Variants in ACTL8 observed in about 807,000 individuals in gnomAD.
ACTL8 encodes the protein actin-like protein 8.
In ACTL8, 3 loss-of-function variants were observed where a neutral mutation model predicts 9.3. The ratio of observed to expected loss-of-function variants is 0.32; its 90% CI spans 0.15 to 0.83. The LOEUF is 0.83. Among genes scored for constraint, ACTL8 ranks in the 40% least tolerant of loss-of-function variants. The pLI is 0.57. For missense variants in ACTL8, 381 were observed against 492.2 expected (o/e 0.77, Z 2.14); for synonymous variants, 224 against 205.9 (o/e 1.09, Z -0.75).
chr1:17,799,836 C>T (rs2102691985), intron 1 of ACTL8, among the ~76,000 whole-genome samples: 1 of 152,160 alleles, frequency 6.6e-6, no homozygotes, highest in African/African-American at 2.4e-5. Flanking sequence ...CCGCCCCCAC[C>T]ACCCACATCC....
intron 1 of ACTL8, among the ~76,000 whole-genome samples, chr1:17,796,978 C>T (rs369806915): frequency 2.0e-4 from 31 of 152,306 alleles, no homozygotes; most frequent in South Asian, 6.2e-4. Flanking sequence ...TCTAGGGACA[C>T]GCTGCTCAAG....
chr1:17,791,543 G>A (rs903726716), intron 1 of ACTL8, among the ~76,000 whole-genome samples: 3 of 152,202 alleles, frequency 2.0e-5, no homozygotes, highest in Non-Finnish European at 4.4e-5. Context: ...CAAGTGCCTG[G>A]TGGTGGCTCT....
chr1:17,783,447 C>T (rs575857446), intron 1 of ACTL8, among the ~76,000 whole-genome samples: 5 of 151,766 alleles, frequency 3.3e-5, no homozygotes, highest in South Asian at 2.1e-4. Flanking sequence ...GGTGGTGGTC[C>T]GTATTTAAAG....
intron 1 of ACTL8, among the ~76,000 whole-genome samples, chr1:17,810,603 T>C (rs756811563): frequency 6.6e-6 from 1 of 152,166 alleles, no homozygotes; most frequent in Non-Finnish European, 1.5e-5. Flanking sequence ...CATGCAGGCA[T>C]GTAACCACTC....
intron 1 of ACTL8, among the ~76,000 whole-genome samples, chr1:17,775,745 A>G (rs2066114356): frequency 6.6e-6 from 1 of 152,148 alleles, no homozygotes; most frequent in Non-Finnish European, 1.5e-5. Context: ...CTTAACTTTG[A>G]GAATGTCCCT....
intron 1 of ACTL8, among the ~76,000 whole-genome samples, chr1:17,774,692 G>A (rs756181087): frequency 2.1e-4 from 32 of 152,180 alleles, no homozygotes; most frequent in Non-Finnish European, 3.7e-4. Context: ...AGTGCAGCGC[G>A]CAAGGGGGCC....
Position 17,823,032 on chromosome 1 carries a change from T to C in ACTL8, c.24T>C (p.Ile8=). ...CCATGGCTGCAAGAACCGTTATCAT[T>C]GACCACGGGTCTGGCTTTTTGAAGG... The part of the protein sequence containing the change: MAARTVI[I]DHGSGFLKAG... The change falls in exon 2 of 3, where the codon ATT becomes ATC. Residue 8 remains isoleucine, a synonymous_variant. Transcript: ENST00000375406. The surrounding 1 kb of genome is among the most constrained non-coding windows in gnomAD (Gnocchi z 5.3). 6.2e-7 allele frequency: 1 copy of C among 1,614,088 alleles called. No homozygotes were observed. Among genetic ancestry groups the C allele is most frequent in the African/African-American group, 1.3e-5 (1 of 75,062 alleles).
chr1:17,802,789 C>T (rs972142262), intron 1 of ACTL8, among the ~76,000 whole-genome samples: 6 of 152,018 alleles, frequency 3.9e-5, no homozygotes, highest in Non-Finnish European at 8.8e-5. Flanking sequence ...GTGAGACCAG[C>T]CTGGTCAACA....
At chr1:17,756,571 A>G (rs2065970671) in intron 1 of ACTL8, among the ~76,000 whole-genome samples, 1 of 152,210 alleles carries the variant, frequency 6.6e-6, no homozygotes, top group African/African-American at 2.4e-5. Context: ...AATTCTTCAT[A>G]TGAAACTTTC....
chr1:17,781,427 C>T lies in ACTL8; in HGVS notation c.-25+25923C>T, dbSNP rs528991938. Among the ~76,000 whole-genome samples the T allele has an allele frequency of 9.9e-5, 15 of 151,966 alleles. No homozygotes were observed. In the South Asian group the frequency reaches 2.3e-3, roughly 23 times the overall value. On this transcript the variant is annotated intron_variant, in intron 1 of 2. Transcript: ENST00000375406. ...CTAATTTTTGTATTTTTAGTAGAGA[C>T]GTGGTTTTGCCATGTTGGCCAGGCT...
chr1:17,779,258 A>G (rs142709254), intron 1 of ACTL8, among the ~76,000 whole-genome samples: 266 of 151,804 alleles, frequency 1.8e-3, no homozygotes, highest in African/African-American at 6.1e-3. Flanking sequence ...ACCTCCTTCA[A>G]CATTCAGCTG....
chr1:17,802,538 C>T (rs150836137), intron 1 of ACTL8, among the ~76,000 whole-genome samples: 65 of 152,074 alleles, frequency 4.3e-4, no homozygotes, highest in Middle Eastern at 3.4e-3. Context: ...GTTACTACCG[C>T]GGGTAAGGAA....
rs1165548069 is a variant in ACTL8, at chr1:17,823,114, C to T, written c.106C>T (p.Leu36=). Residue 36 remains leucine (L), a synonymous_variant, in exon 2 of 3, where the codon CTA becomes TTA. Transcript: ENST00000375406. This position sits in a 1 kb window ranked among gnomAD's most constrained non-coding sequence, Gnocchi z 5.3. ...QMVFPNIVNY[L]PCKENPGPSY... ...GGTCTTCCCGAACATCGTGAACTACCTACCGTGCAAGGAGAACCCTGGCCC... is the reference window on the plus strand; with the variant it reads ...GGTCTTCCCGAACATCGTGAACTACTTACCGTGCAAGGAGAACCCTGGCCC... 1.1e-5 allele frequency: 17 copies of T among 1,614,114 alleles called. No homozygotes were observed. In the Admixed American group the frequency reaches 2.8e-4, roughly 27 times the overall value.
rs190626425 is a variant in ACTL8 at position 17,789,971 on chromosome 1, C to T, written c.-24-33014C>T. Among the ~76,000 whole-genome samples the T allele has an allele frequency of 1.4e-4, 22 of 152,308 alleles. No individual in the cohort carries two copies. In the East Asian group the frequency reaches 3.3e-3, roughly 23 times the overall value. ...GCTCATGCCACTGGCCTGGGTCCCA[C>T]GCCTGCCAAGGGAGAGTCAAGTGTG... On this transcript the variant is annotated intron_variant, in intron 1 of 2. Coordinates refer to ENST00000375406, the MANE Select transcript of ACTL8 (RefSeq NM_030812.3).
chr1:17,812,460 CACTCTGTCATCCAGGG>C, intron 1 of ACTL8, among the ~76,000 whole-genome samples: 1 of 131,426 alleles, frequency 7.6e-6, no homozygotes, highest in East Asian at 2.4e-4. Flanking sequence ...GACGGAGTCT[CACTCTGTCATCCAGGG>C]TGGAGTGCAA....
rs1398979537 is a variant in ACTL8 at position 17,823,184 on chromosome 1, A to G, written c.176A>G (p.His59Arg). 1 of 1,614,138 alleles carries G rather than the reference A, an allele frequency of 6.2e-7. No individual in the cohort carries two copies. The highest frequency in any genetic ancestry group is 8.5e-7 in the Non-Finnish European group (1 of 1,180,020). ...RRVSLGIDIC[H>R]PDTFSYPIER... ...GTGAGCCTGGGCATCGACATTTGCC[A>G]TCCTGACACCTTTAGCTACCCCATC... Residue 59 changes from histidine to arginine, a missense_variant, in exon 2 of 3, where the codon CAT (histidine) becomes CGT (arginine). Transcript: ENST00000375406. The surrounding 1 kb of genome is among the most constrained non-coding windows in gnomAD (Gnocchi z 5.3).
At chr1:17,790,365 T>C (rs1448796881) in intron 1 of ACTL8, among the ~76,000 whole-genome samples, 5 of 152,314 alleles carry the variant, frequency 3.3e-5, no homozygotes, top group African/African-American at 1.2e-4. Context: ...TTTAGCCTCA[T>C]TCAGTGGTTC....
At chr1:17,771,510 T>A (rs1379259471) in intron 1 of ACTL8, among the ~76,000 whole-genome samples, 3 of 152,130 alleles carry the variant, frequency 2.0e-5, no homozygotes, top group Non-Finnish European at 4.4e-5. Context: ...TTGAAGACAG[T>A]CAGATATTTG....
chr1:17,799,540 G>A (rs2102691842), intron 1 of ACTL8, among the ~76,000 whole-genome samples: 1 of 150,902 alleles, frequency 6.6e-6, no homozygotes, highest in Non-Finnish European at 1.5e-5. Context: ...ATTTTGATAT[G>A]TTTGTCTTAA....
Sources: gnomAD v4.1 joint callset for allele counts (sites outside exome capture counted in the v4.1 genomes callset) on GRCh38, gnomAD v4.1.1 for gene constraint, Gnocchi (gnomAD v3.1) non-coding constraint, MANE v1.5 for transcripts, NCBI Gene and HGNC (gene_info 2026-07-23, HGNC 2026-07-21) for gene names.